Variants in SH2D1A observed in about 807,000 individuals in gnomAD.
SH2D1A encodes SH2 domain containing 1A.
A neutral mutation model predicts 10.1 loss-of-function variants in SH2D1A; 6 were observed. That is an observed-to-expected ratio of 0.60 (90% CI 0.33 to 1.18). The LOEUF (loss-of-function observed/expected upper bound fraction) is 1.18, where lower values mean the gene tolerates loss of function less well. Among genes scored for constraint, SH2D1A ranks in the 50% most tolerant of loss-of-function variants. The pLI is 0.04. For missense variants in SH2D1A, 51 were observed against 97.6 expected (o/e 0.52, Z 2.01); for synonymous variants, 42 against 36.9 (o/e 1.14, Z -0.51).
chrX:124,369,789 TTTTTTG>T (rs201483410), intron 2 of SH2D1A, among the ~76,000 whole-genome samples: 5,184 of 111,234 alleles, frequency 0.047, 142 homozygotes, highest in African/African-American at 0.094. Context: ...TAGGATCTGT[TTTTTTG>T]TTTTTGTTTT....
chrX:124,356,560 G>A (rs1165085345), intron 1 of SH2D1A, among the ~76,000 whole-genome samples: 1 of 112,314 alleles, frequency 8.9e-6, no homozygotes, highest in African/African-American at 3.2e-5. Flanking sequence ...CGATTCTCCT[G>A]CCTCAGCCTC....
intron 1 of SH2D1A, among the ~76,000 whole-genome samples, chrX:124,348,472 G>A (rs1603236686): frequency 9.0e-6 from 1 of 111,368 alleles, no homozygotes; most frequent in African/African-American, 3.3e-5. Context: ...CGTTTCTCAA[G>A]CTCCTCAAAA....
chrX:124,358,331 A>G (rs1196911346), intron 1 of SH2D1A, among the ~76,000 whole-genome samples: 2 of 111,912 alleles, frequency 1.8e-5, no homozygotes, highest in Admixed American at 1.9e-4. Context: ...CTTGGAGTGT[A>G]TGAAGATAAG....
At position 124,372,649 on chromosome X, in the gene SH2D1A, T is replaced by C. The variant is rs1457875136; in HGVS notation, c.*1258T>C. 5.9e-6 allele frequency: 1 copy of C among 170,593 alleles called. No individual in the cohort carries two copies. The highest frequency in any genetic ancestry group is 1.1e-5 in the Non-Finnish European group (1 of 88,332). 14.1% of individuals were successfully genotyped at this position (170,593 alleles called of 1,213,427 possible). A position where few individuals can be genotyped will look rare whatever the true frequency, so the allele number is the denominator to read the frequency against. ...CAGATAGATAGGTCAGTGCAAATAC[T>C]CTGGTCCATGGGCCATATGAAAAGG... On this transcript the variant is annotated 3_prime_UTR_variant, in exon 4 of 4. Coordinates refer to ENST00000371139, the MANE Select transcript of SH2D1A (RefSeq NM_002351.5).
intron 2 of SH2D1A, 40 bp downstream of exon 2, chrX:124,365,864 A>T: frequency 1.2e-6 from 1 of 856,017 alleles, no homozygotes; most frequent in Non-Finnish European, 1.7e-6. Flanking sequence ...GGTGTCAAGG[A>T]GGTATTTGAA....
chrX:124,348,281 G>A (rs1446962817), intron 1 of SH2D1A, among the ~76,000 whole-genome samples: 1 of 111,463 alleles, frequency 9.0e-6, no homozygotes, highest in Non-Finnish European at 1.9e-5. Flanking sequence ...CTCATTGAAA[G>A]AAGGTGGAGT....
intron 1 of SH2D1A, among the ~76,000 whole-genome samples, chrX:124,363,815 C>T (rs1394416238): frequency 2.1e-5 from 2 of 96,570 alleles, no homozygotes; most frequent in Non-Finnish European, 2.0e-5. Context: ...TGCTTGAACC[C>T]GGGAGGCGGA....
At position 124,371,836 on chromosome X, in the gene SH2D1A, G is replaced by T. The variant is rs1449307367; in HGVS notation, c.*445G>T. 1 of 161,300 alleles carries T rather than the reference G, an allele frequency of 6.2e-6. No individual in the cohort carries two copies. Among genetic ancestry groups the T allele is most frequent in the Non-Finnish European group, 1.2e-5 (1 of 84,067 alleles). The allele number at this position is 161,300 out of a possible 1,213,427, so 13.3% of individuals were successfully genotyped here. On this transcript the variant is annotated 3_prime_UTR_variant, in exon 4 of 4. Coordinates refer to ENST00000371139, the MANE Select transcript of SH2D1A (RefSeq NM_002351.5). The stretch of plus-strand genomic sequence containing the variant: ...CTTGTCTTTGCCAAGTTCTCCACTA[G>T]CTATGGTGTCATAGGCTCTTTTGGG...
At chrX:124,364,363 G>A (rs1442715305) in intron 1 of SH2D1A, 1 of 256,380 alleles carries the variant, frequency 3.9e-6, no homozygotes. Context: ...ATGGAATAAG[G>A]ATATAAAGAA....
intron 1 of SH2D1A, among the ~76,000 whole-genome samples, chrX:124,362,643 T>C (rs2060042572): frequency 9.0e-6 from 1 of 111,687 alleles, no homozygotes; most frequent in African/African-American, 3.3e-5. Context: ...CTTTGGACTT[T>C]AGATTTTAAG....
chrX:124,366,622 T>A (rs1422455785), intron 2 of SH2D1A, among the ~76,000 whole-genome samples: 1 of 110,876 alleles, frequency 9.0e-6, no homozygotes, highest in Non-Finnish European at 1.9e-5. Flanking sequence ...TATCAGTAAG[T>A]TGGAAAGTAT....
intron 2 of SH2D1A, among the ~76,000 whole-genome samples, chrX:124,368,220 G>A (rs1031467138): frequency 1.1e-4 from 12 of 110,966 alleles, no homozygotes; most frequent in African/African-American, 3.9e-4. Flanking sequence ...GCCCGATCTC[G>A]GCTCACTGTA....
At chrX:124,346,872 C>A (rs1390487416) in intron 1 of SH2D1A, 93 bp downstream of exon 1, 9 of 1,066,621 alleles carry the variant, frequency 8.4e-6, no homozygotes, top group Non-Finnish European at 1.2e-5. Context: ...CAGGCAGGGG[C>A]GCCGGCGTTA....
chrX:124,367,826 T>A (rs2060059626), intron 2 of SH2D1A, among the ~76,000 whole-genome samples: 1 of 112,050 alleles, frequency 8.9e-6, no homozygotes, highest in African/African-American at 3.2e-5. Context: ...TGTTACATTG[T>A]TAATTTAGAT....
In SH2D1A at chrX:124,373,080, C is replaced by A. The variant is rs186082107; in HGVS notation, c.*1689C>A. The A allele has an allele frequency of 2.8e-4, 43 of 152,384 alleles. No individual in the cohort carries two copies. Among genetic ancestry groups the A allele is most frequent in the African/African-American group, 1.2e-3 (40 of 32,613 alleles). The allele number at this position is 152,384 out of a possible 1,213,427, so 12.6% of individuals were successfully genotyped here. ...ATGTTTGCATGTTCACTTCCAAGAG[C>A]CTTTTTTTGAAAAAAAGCTTTTTTT... is the stretch of plus-strand genomic sequence containing the variant. On this transcript the variant is annotated 3_prime_UTR_variant, in exon 4 of 4. Coordinates refer to ENST00000371139, the MANE Select transcript of SH2D1A (RefSeq NM_002351.5).
At chrX:124,347,407 G>A (rs1267753379) in intron 1 of SH2D1A, among the ~76,000 whole-genome samples, 1 of 111,200 alleles carries the variant, frequency 9.0e-6, no homozygotes, top group Non-Finnish European at 1.9e-5. Flanking sequence ...CTTGATAAAC[G>A]TTAGGACTCA....
Position 124,347,054 on chromosome X carries a change from TGG to T in SH2D1A, c.137+276_137+277del, listed in dbSNP as rs201646734. Among the ~76,000 whole-genome samples the T allele has an allele frequency of 0.07, 7,818 of 111,041 alleles. 289 individuals carry two copies. The highest frequency in any genetic ancestry group is 0.17 in the Middle Eastern group (35 of 212). On this transcript the variant is annotated intron_variant, in intron 1 of 3. Coordinates refer to ENST00000371139, the MANE Select transcript of SH2D1A (RefSeq NM_002351.5). ...CAGCTGCAGAGAATGCCATTTCGGG[TGG>T]TGAAATGTGGTCCACAGTTTACCTT...
At chrX:124,364,516 T>A in intron 1 of SH2D1A, 1 of 215,986 alleles carries the variant, frequency 4.6e-6, no homozygotes, top group Non-Finnish European at 8.6e-6. Flanking sequence ...GATACAGTTT[T>A]TTTTTTTTGA....
chrX:124,371,016 A>T (rs1469818015), intron 3 of SH2D1A, among the ~76,000 whole-genome samples: 1 of 111,905 alleles, frequency 8.9e-6, no homozygotes, highest in Non-Finnish European at 1.9e-5. Flanking sequence ...AACAATAAAT[A>T]TTTATGATAA....
Sources: allele counts gnomAD v4.1 joint callset (sites outside exome capture counted in the v4.1 genomes callset), GRCh38; gene constraint gnomAD v4.1.1; transcripts MANE v1.5; gene names NCBI Gene and HGNC (gene_info 2026-07-23, HGNC 2026-07-21).